The following FBXL13 variants were observed in gnomAD, a reference collection of about 807,000 sequenced individuals.
FBXL13 encodes F-box and leucine rich repeat protein 13, also known as F-box and leucine-rich repeat protein 13.
FBXL13 carries 67 observed loss-of-function variants against 83.6 expected under a neutral mutation model. That is an observed-to-expected ratio of 0.80 (90% CI 0.66 to 0.98). FBXL13 has a LOEUF of 0.98. Ranked by LOEUF, FBXL13 falls within the 50% of genes least tolerant of loss-of-function variation. The probability of loss-of-function intolerance (pLI) is 0.00; values close to 1 mark genes in which losing one functional copy is unlikely to be tolerated. For missense variants in FBXL13, 822 were observed against 866.5 expected (o/e 0.95, Z 0.64); for synonymous variants, 272 against 299.5 (o/e 0.91, Z 0.95).
chr7:102,814,467 A>AT (rs1486953268), intron 19 of FBXL13: 1 of 152,240 alleles, frequency 6.6e-6, no homozygotes, highest in Admixed American at 6.5e-5. Context: ...AAGAAAAAAA[A>AT]CCAACAACAT....
chr7:102,831,394 GACACACAC>G lies in FBXL13; in HGVS notation c.1854+1438_1854+1445del, dbSNP rs3045618. ...GCTGTTAAACATCTACAGTGCCCGG[GACACACAC>G]ACACACACACACACACACACACACA... is the stretch of plus-strand genomic sequence containing the variant. On this transcript the variant is annotated intron_variant, in intron 18 of 19. Coordinates refer to ENST00000313221, the Ensembl canonical transcript of FBXL13. 2.2e-3 allele frequency among the ~76,000 whole-genome samples: 306 copies of G among 141,644 alleles called. 2 individuals carry two copies. Among genetic ancestry groups the G allele is most frequent in the African/African-American group, 7.2e-3 (268 of 37,440 alleles). The allele number at this position is 141,644 out of a possible 152,430, so 92.9% of individuals were successfully genotyped here. A position where few individuals can be genotyped will look rare whatever the true frequency, so the allele number is the denominator to read the frequency against.
At chr7:102,991,904 C>T (rs575366641) in intron 6 of FBXL13, among the ~76,000 whole-genome samples, 1 of 152,280 alleles carries the variant, frequency 6.6e-6, no homozygotes, top group South Asian at 2.1e-4. Flanking sequence ...TGGCTCTGCT[C>T]CTGACTGCAT....
At chr7:103,014,719 C>T (rs1585361774) in intron 6 of FBXL13, among the ~76,000 whole-genome samples, 1 of 151,838 alleles carries the variant, frequency 6.6e-6, no homozygotes, top group East Asian at 1.9e-4. Context: ...GTCAGGAGAT[C>T]GAGACCATCC....
At chr7:102,825,542 G>A (rs1197656379) in intron 18 of FBXL13, among the ~76,000 whole-genome samples, 2 of 152,106 alleles carry the variant, frequency 1.3e-5, no homozygotes, top group African/African-American at 4.8e-5. Flanking sequence ...CCAGTTTCAG[G>A]TATTCTGTTA....
chr7:102,828,498 G>T (rs1800112230), intron 18 of FBXL13, among the ~76,000 whole-genome samples: 1 of 152,164 alleles, frequency 6.6e-6, no homozygotes, highest in African/African-American at 2.4e-5. Flanking sequence ...TTGTCATGGG[G>T]AATCCCAGAA....
At chr7:102,832,795 C>T (rs765210606) in intron 18 of FBXL13, 45 bp downstream of exon 19, 1 of 1,610,520 alleles carries the variant, frequency 6.2e-7, no homozygotes, top group Non-Finnish European at 8.5e-7. Flanking sequence ...TGTCCCTTGG[C>T]AGTGCTTAAA....
intron 17 of FBXL13, among the ~76,000 whole-genome samples, chr7:102,852,525 G>C (rs1805420011): frequency 6.6e-6 from 1 of 152,062 alleles, no homozygotes; most frequent in Admixed American, 6.6e-5. Context: ...AGTGGGCTAA[G>C]GACATGAACA....
chr7:102,924,010 AG>A (rs1178570420), intron 10 of FBXL13, among the ~76,000 whole-genome samples: 1 of 151,980 alleles, frequency 6.6e-6, no homozygotes, highest in African/African-American at 2.4e-5. Flanking sequence ...GAGGCCAAGG[AG>A]GGTGGATCAT....
At chr7:103,034,521 C>G (rs558167397) in intron 2 of FBXL13, among the ~76,000 whole-genome samples, 55 of 152,364 alleles carry the variant, frequency 3.6e-4, no homozygotes, top group Admixed American at 1.9e-3. Context: ...AGCCCACGCC[C>G]ACCCGGAACT....
chr7:103,028,535 T>C, intron 4 of FBXL13, 65 bp downstream of exon 5: 7 of 1,181,548 alleles, frequency 5.9e-6, no homozygotes, highest in Non-Finnish European at 6.8e-6. Context: ...TATGCTTAAC[T>C]GTTAGTTTTT....
intron 8 of FBXL13, among the ~76,000 whole-genome samples, chr7:102,946,581 G>A (rs1822533826): frequency 6.6e-6 from 1 of 151,952 alleles, no homozygotes; most frequent in African/African-American, 2.4e-5. Context: ...AACAGAGAAT[G>A]GGAAGCCAGA....
At chr7:103,014,021 A>C (rs1006954462) in intron 6 of FBXL13, among the ~76,000 whole-genome samples, 1 of 152,216 alleles carries the variant, frequency 6.6e-6, no homozygotes, top group Non-Finnish European at 1.5e-5. Context: ...TATACACACA[A>C]GTTAGAAAAC....
chr7:103,032,733 T>A (rs900383148), intron 2 of FBXL13, among the ~76,000 whole-genome samples: 5 of 152,188 alleles, frequency 3.3e-5, no homozygotes, highest in Non-Finnish European at 5.9e-5. Context: ...TGTCTAATAT[T>A]ACATTCTAAA....
chr7:102,937,865 A>G (rs1033010746), intron 8 of FBXL13, among the ~76,000 whole-genome samples: 2 of 152,342 alleles, frequency 1.3e-5, no homozygotes, highest in African/African-American at 4.8e-5. Context: ...CCACATATAC[A>G]TGGTCACACA....
At position 102,951,976 on chromosome 7, in the gene FBXL13, C is replaced by G. The variant is rs534666638; in HGVS notation, c.724+11557G>C. ...GTCTATTATTGGAAGAATGGATAAA[C>G]AAAATGTGTTATATACATACAATAA... On this transcript the variant is annotated intron_variant, in intron 8 of 19. Coordinates refer to ENST00000313221, the Ensembl canonical transcript of FBXL13. 7.2e-5 allele frequency among the ~76,000 whole-genome samples: 11 copies of G among 151,982 alleles called. No homozygotes were observed. The South Asian group carries it at 2.3e-3, about 32-fold the overall frequency.
At chr7:102,815,580 T>G (rs1199349049) in intron 19 of FBXL13, among the ~76,000 whole-genome samples, 1 of 152,148 alleles carries the variant, frequency 6.6e-6, no homozygotes, top group Non-Finnish European at 1.5e-5. Flanking sequence ...AATCATTCAA[T>G]GCCACTGATG....
intron 2 of FBXL13, among the ~76,000 whole-genome samples, chr7:103,050,949 C>T (rs762980513): frequency 5.3e-5 from 8 of 152,214 alleles, no homozygotes; most frequent in African/African-American, 1.7e-4. Context: ...ACTGAGAACC[C>T]TCATTTTTAA....
intron 11 of FBXL13, among the ~76,000 whole-genome samples, chr7:102,910,754 T>C (rs1814520693): frequency 6.6e-6 from 1 of 152,126 alleles, no homozygotes; most frequent in Non-Finnish European, 1.5e-5. Context: ...GAGAAAAGCA[T>C]TAACAAATTT....
chr7:102,967,911 C>G (rs1272335670), intron 7 of FBXL13, 111 bp downstream of exon 8: 3 of 657,270 alleles, frequency 4.6e-6, no homozygotes, highest in Non-Finnish European at 2.5e-6. Context: ...TCACTTGCTG[C>G]TGGTGACCAC....
Sources: allele counts gnomAD v4.1 joint callset (sites outside exome capture counted in the v4.1 genomes callset), GRCh38; gene constraint gnomAD v4.1.1; transcripts MANE v1.5; gene names NCBI Gene and HGNC (gene_info 2026-07-23, HGNC 2026-07-21).